The following IGF1R variants were observed in gnomAD, a reference collection of about 807,000 sequenced individuals.
The protein encoded by IGF1R is insulin-like growth factor 1 receptor.
IGF1R carries 44 observed loss-of-function variants against 144.6 expected under a neutral mutation model. That is an observed-to-expected ratio of 0.30 (90% confidence interval 0.24 to 0.39). IGF1R has a LOEUF of 0.39. IGF1R is among the 10% of genes least tolerant of loss of function. The pLI is 1.00. For missense variants in IGF1R, 1,355 were observed against 1,833.7 expected (o/e 0.74, Z 4.77); for synonymous variants, 795 against 722.8 (o/e 1.10, Z -1.60).
intron 19 of IGF1R, among the ~76,000 whole-genome samples, chr15:98,948,097 A>C (rs967444410): frequency 1.5e-4 from 23 of 152,122 alleles, no homozygotes; most frequent in Non-Finnish European, 3.2e-4. Context: ...TGATTGTAAA[A>C]ATCACCTGAG....
At chr15:98,809,655 G>T (rs1426348144) in intron 2 of IGF1R, among the ~76,000 whole-genome samples, 1 of 152,192 alleles carries the variant, frequency 6.6e-6, no homozygotes, top group African/African-American at 2.4e-5. Flanking sequence ...GACTGGTTTG[G>T]GTTTTGAGGA....
At chr15:98,889,062 C>T (rs1407530650) in intron 2 of IGF1R, among the ~76,000 whole-genome samples, 1 of 152,112 alleles carries the variant, frequency 6.6e-6, no homozygotes, top group Non-Finnish European at 1.5e-5. Context: ...TCTCACTGGC[C>T]AGAACTTAAG....
intron 2 of IGF1R, among the ~76,000 whole-genome samples, chr15:98,761,691 T>A (rs1370896716): frequency 1.3e-5 from 2 of 152,234 alleles, no homozygotes; most frequent in Non-Finnish European, 2.9e-5. Flanking sequence ...GGCTTAGTGG[T>A]CTTACCCGTG....
chr15:98,949,477 C>G (rs559935100), intron 20 of IGF1R, among the ~76,000 whole-genome samples: 151 of 150,472 alleles, frequency 1.0e-3, no homozygotes, highest in African/African-American at 3.5e-3. Context: ...CTCCCGGGTT[C>G]AAGCAATTCT....
Position 98,891,666 on chromosome 15 carries a change from A to G in IGF1R, c.953+29A>G, listed in dbSNP as rs748565822. The G allele has an allele frequency of 6.3e-7, 1 of 1,583,552 alleles. No homozygotes were observed. The highest frequency in any genetic ancestry group is 1.1e-5 in the South Asian group (1 of 90,318). ...AGTCGCGGCCACACGTGTGGTCACT[A>G]CCCGCCCCACCTCACCCGCCACCCT... is the stretch of plus-strand genomic sequence containing the variant. On this transcript the variant is annotated intron_variant, in intron 3 of 20. Coordinates refer to ENST00000650285, the MANE Select transcript of IGF1R (RefSeq NM_000875.5). This position sits in a 1 kb window ranked among gnomAD's most constrained non-coding sequence, Gnocchi z 4.7.
intron 2 of IGF1R, among the ~76,000 whole-genome samples, chr15:98,837,482 G>T (rs1408006845): frequency 4.0e-5 from 6 of 151,890 alleles, no homozygotes; most frequent in African/African-American, 1.5e-4. Flanking sequence ...CGCCCACCTC[G>T]GCCTCCCAGA....
intron 2 of IGF1R, among the ~76,000 whole-genome samples, chr15:98,733,720 G>T (rs975128970): frequency 6.6e-6 from 1 of 152,142 alleles, no homozygotes; most frequent in Non-Finnish European, 1.5e-5. Flanking sequence ...GTCTTAACAA[G>T]ATCTAGGTGG....
chr15:98,737,168 T>C (rs2054631070), intron 2 of IGF1R, among the ~76,000 whole-genome samples: 1 of 152,192 alleles, frequency 6.6e-6, no homozygotes, highest in Non-Finnish European at 1.5e-5. Context: ...CAGTGATTTC[T>C]TGTGTTTAAT....
At chr15:98,651,382 G>A (rs2052362529) in intron 1 of IGF1R, among the ~76,000 whole-genome samples, 1 of 152,188 alleles carries the variant, frequency 6.6e-6, no homozygotes, top group Admixed American at 6.5e-5. Flanking sequence ...AACTTTCAGC[G>A]GACTCGATTG....
chr15:98,707,035 A>G lies in IGF1R; in HGVS notation c.95-527A>G, dbSNP rs1179721468. On this transcript the variant is annotated intron_variant, in intron 1 of 20. Coordinates refer to ENST00000650285, the MANE Select transcript of IGF1R (RefSeq NM_000875.5). This position sits in a 1 kb window ranked among gnomAD's most constrained non-coding sequence, Gnocchi z 6.7. The stretch of plus-strand genomic sequence containing the variant: ...GTCAAATGGTAGTGGGAAGCATGGA[A>G]GCATGCGTTTTTTAGTCCCCACTTT... Among the ~76,000 whole-genome samples the G allele has an allele frequency of 1.3e-5, 2 of 152,034 alleles. No individual in the cohort carries two copies. The highest frequency in any genetic ancestry group is 1.9e-4 in the East Asian group (1 of 5,184).
At chr15:98,723,670 C>T (rs1490283821) in intron 2 of IGF1R, among the ~76,000 whole-genome samples, 1 of 152,174 alleles carries the variant, frequency 6.6e-6, no homozygotes. Flanking sequence ...GATCATGATG[C>T]TGATTGCTGT....
At chr15:98,874,460 CG>C (rs1340876190) in intron 2 of IGF1R, among the ~76,000 whole-genome samples, 1 of 152,026 alleles carries the variant, frequency 6.6e-6, no homozygotes, top group Non-Finnish European at 1.5e-5. Flanking sequence ...AGAAAATTTG[CG>C]GGTTGTTTGT....
At chr15:98,719,755 C>T (rs1312013385) in intron 2 of IGF1R, among the ~76,000 whole-genome samples, 2 of 152,134 alleles carry the variant, frequency 1.3e-5, no homozygotes, top group East Asian at 1.9e-4. Context: ...CCCTGAACTT[C>T]GTGTTCAGTG....
intron 2 of IGF1R, among the ~76,000 whole-genome samples, chr15:98,803,523 T>TTTATTTATTTATTTATTTAG (rs2056407467): frequency 6.6e-6 from 1 of 151,944 alleles, no homozygotes; most frequent in African/African-American, 2.4e-5. Flanking sequence ...TATTTATTTA[T>TTTATTTATTTATTTATTTAG]GAGATAGGGT....
Position 98,728,376 on chromosome 15 carries a change from C to T in IGF1R, c.640+20269C>T, listed in dbSNP as rs577158858. The stretch of plus-strand genomic sequence containing the variant: ...TCTTTGACTGGAGGGGCCTGAGCTC[C>T]TCCTCCACTGCTCAAGACCCCGGTT... On this transcript the variant is annotated intron_variant, in intron 2 of 20. Coordinates refer to ENST00000650285, the MANE Select transcript of IGF1R (RefSeq NM_000875.5). 9.2e-5 allele frequency among the ~76,000 whole-genome samples: 14 copies of T among 152,296 alleles called. No homozygotes were observed. In the South Asian group the frequency reaches 2.7e-3, roughly 29 times the overall value.
chr15:98,963,108 G>T lies in IGF1R; in HGVS notation c.*5666G>T, dbSNP rs1414405800. ...TAATTAAATGTTTCATTGCATTTTT[G>T]TAAGAACAGAATAATTTTATAAAAT... is the stretch of plus-strand genomic sequence containing the variant. On this transcript the variant is annotated 3_prime_UTR_variant, in exon 21 of 21. Transcript: ENST00000650285. The T allele has an allele frequency of 4.3e-6, 1 of 232,476 alleles. No individual in the cohort carries two copies. The highest frequency in any genetic ancestry group is 8.5e-6 in the Non-Finnish European group (1 of 117,522). The allele number at this position is 232,476 out of a possible 1,614,324, so 14.4% of individuals were successfully genotyped here.
At chr15:98,896,941 C>A (rs774104378) in intron 4 of IGF1R, 36 bp downstream of exon 4, 3 of 1,608,450 alleles carry the variant, frequency 1.9e-6, no homozygotes, top group Non-Finnish European at 2.6e-6. Flanking sequence ...ACGGCTAGAT[C>A]TCATGGTTTT....
rs1412431600 is a variant in IGF1R at position 98,957,201 on chromosome 15, C to T, written c.3863C>T (p.Pro1288Leu). ...SFYYSEENKL[P>L]EPEELDLEPE... ...TACTACAGCGAGGAGAACAAGCTGC[C>T]CGAGCCGGAGGAGCTGGACCTGGAG... The change falls in exon 21 of 21, where the codon CCC becomes CTC. Residue 1288 changes from proline to leucine, a missense_variant. Coordinates refer to ENST00000650285, the MANE Select transcript of IGF1R (RefSeq NM_000875.5). The T allele has an allele frequency of 1.2e-6, 2 of 1,614,202 alleles. No homozygotes were observed. The highest frequency in any genetic ancestry group is 1.7e-5 in the Admixed American group (1 of 60,032).
chr15:98,902,123 TG>T (rs2014510359), intron 5 of IGF1R, among the ~76,000 whole-genome samples: 1 of 151,614 alleles, frequency 6.6e-6, no homozygotes, highest in Non-Finnish European at 1.5e-5. Flanking sequence ...TCATTGGGGG[TG>T]GGGGCAGGGG....
Sources: allele counts gnomAD v4.1 joint callset (sites outside exome capture counted in the v4.1 genomes callset), GRCh38; gene constraint gnomAD v4.1.1; non-coding constraint Gnocchi (gnomAD v3.1); transcripts MANE v1.5; gene names NCBI Gene and HGNC (gene_info 2026-07-23, HGNC 2026-07-21).